NTNG1: variants seen among roughly 807,000 people sequenced by gnomAD.
The protein encoded by NTNG1 is netrin-G1.
A neutral mutation model predicts 54.0 loss-of-function variants in NTNG1; 16 were observed. The ratio of observed to expected loss-of-function variants is 0.30; its 90% CI spans 0.20 to 0.45. The LOEUF (loss-of-function observed/expected upper bound fraction) is 0.45, where lower values mean the gene tolerates loss of function less well. Ranked by LOEUF, NTNG1 falls within the 20% of genes least tolerant of loss-of-function variation. The pLI, the probability that NTNG1 is intolerant of heterozygous loss-of-function variation, is 1.00. For missense variants in NTNG1, 530 were observed against 678.7 expected (o/e 0.78, Z 2.43); for synonymous variants, 255 against 263.1 (o/e 0.97, Z 0.30).
intron 3 of NTNG1, among the ~76,000 whole-genome samples, chr1:107,335,383 A>G (rs1213880667): frequency 6.6e-6 from 1 of 152,022 alleles, no homozygotes; most frequent in East Asian, 1.9e-4. Context: ...TGATAGGTTC[A>G]AAGCTGGGGT....
chr1:107,390,939 T>C (rs1387148128), intron 3 of NTNG1, among the ~76,000 whole-genome samples: 1 of 152,176 alleles, frequency 6.6e-6, no homozygotes, highest in Non-Finnish European at 1.5e-5. Context: ...CCTTATGTCA[T>C]AGGAGCACAC....
At chr1:107,310,482 T>C (rs1666942350) in intron 2 of NTNG1, among the ~76,000 whole-genome samples, 2 of 152,128 alleles carry the variant, frequency 1.3e-5, no homozygotes, top group South Asian at 2.1e-4. Flanking sequence ...TGATGGTGGA[T>C]CTGATAGATC....
rs1479740473 is a variant in NTNG1 at position 107,178,355 on chromosome 1, A to G, written c.246+29516A>G. Among the ~76,000 whole-genome samples the G allele has an allele frequency of 3.3e-5, 5 of 152,092 alleles. No homozygotes were observed. The South Asian group carries it at 8.3e-4, about 25-fold the overall frequency. ...ATGCCATCTTTTACAAGTAACTCCTATCTTTCTTGTGAGTTTTCATTTGCC... is the reference window on the plus strand; with the variant it reads ...ATGCCATCTTTTACAAGTAACTCCTGTCTTTCTTGTGAGTTTTCATTTGCC... On this transcript the variant is annotated intron_variant, in intron 2 of 7. Transcript: ENST00000370068.
intron 7 of NTNG1, among the ~76,000 whole-genome samples, chr1:107,446,172 T>C (rs1358862873): frequency 6.6e-6 from 1 of 152,120 alleles, no homozygotes; most frequent in Non-Finnish European, 1.5e-5. Flanking sequence ...AACTGGTTCT[T>C]ATTTACAAGG....
intron 3 of NTNG1, among the ~76,000 whole-genome samples, chr1:107,330,386 A>G (rs1038096660): frequency 2.0e-5 from 3 of 152,146 alleles, no homozygotes; most frequent in Non-Finnish European, 2.9e-5. Flanking sequence ...GAAAGCTATA[A>G]CATTGCTTAA....
At chr1:107,367,207 G>A (rs896192209) in intron 3 of NTNG1, among the ~76,000 whole-genome samples, 2 of 152,040 alleles carry the variant, frequency 1.3e-5, no homozygotes, top group Non-Finnish European at 1.5e-5. Flanking sequence ...CTGGACTTAG[G>A]CTTGGCCATT....
At chr1:107,147,599 G>C (rs17018467) in intron 1 of NTNG1, among the ~76,000 whole-genome samples, 7,361 of 152,046 alleles carry the variant, frequency 0.048, 574 homozygotes, top group African/African-American at 0.17. Flanking sequence ...CTCCAGCAAA[G>C]AAAAGCTAAG....
intron 4 of NTNG1, among the ~76,000 whole-genome samples, chr1:107,400,039 G>C (rs1250230576): frequency 6.6e-6 from 1 of 151,942 alleles, no homozygotes. Context: ...TTAGATCTTA[G>C]TATTATTGAT....
chr1:107,479,579 A>T (rs975957449), intron 7 of NTNG1, among the ~76,000 whole-genome samples: 1 of 152,208 alleles, frequency 6.6e-6, no homozygotes, highest in Non-Finnish European at 1.5e-5. Flanking sequence ...TAAATGCTTA[A>T]GCAGCATATG....
intron 2 of NTNG1, among the ~76,000 whole-genome samples, chr1:107,162,125 T>C (rs982421897): frequency 5.9e-5 from 9 of 152,196 alleles, no homozygotes; most frequent in Admixed American, 1.3e-4. Context: ...ATTTTTAGTT[T>C]TTGCAATTAC....
At chr1:107,215,315 G>A (rs1659878986) in intron 2 of NTNG1, among the ~76,000 whole-genome samples, 1 of 152,110 alleles carries the variant, frequency 6.6e-6, no homozygotes, top group Admixed American at 6.6e-5. Context: ...TTTATATAAG[G>A]TGAGAGATGA....
chr1:107,192,172 T>C (rs1157937145), intron 2 of NTNG1, among the ~76,000 whole-genome samples: 1 of 152,154 alleles, frequency 6.6e-6, no homozygotes, highest in African/African-American at 2.4e-5. Flanking sequence ...TCCTAGGTAT[T>C]TTAATTCTCT....
At chr1:107,173,926 C>T (rs1467532051) in intron 2 of NTNG1, among the ~76,000 whole-genome samples, 1 of 151,920 alleles carries the variant, frequency 6.6e-6, no homozygotes, top group African/African-American at 2.4e-5. Flanking sequence ...AAGTGTTACA[C>T]TAGTCAACAC....
At chr1:107,436,884 G>A in intron 7 of NTNG1, 85 bp downstream of exon 7, 2 of 1,285,460 alleles carry the variant, frequency 1.6e-6, no homozygotes, top group Middle Eastern at 2.4e-4. Context: ...GCTTCTCAGA[G>A]CAGAAAAAGA....
intron 2 of NTNG1, chr1:107,260,903 T>G (rs989305699): frequency 6.6e-6 from 1 of 152,184 alleles, no homozygotes; most frequent in Non-Finnish European, 1.5e-5. Context: ...GCCAATATTT[T>G]ACACAGAGAA....
intron 2 of NTNG1, among the ~76,000 whole-genome samples, chr1:107,197,002 A>C (rs1658388544): frequency 6.6e-6 from 1 of 151,930 alleles, no homozygotes; most frequent in South Asian, 2.1e-4. Flanking sequence ...AAAATACAGG[A>C]CAACCAGTTA....
intron 7 of NTNG1, among the ~76,000 whole-genome samples, chr1:107,439,277 C>CATGTGTGTGTGTGTGT (rs142597412): frequency 6.9e-6 from 1 of 145,784 alleles, no homozygotes. Context: ...CCAGAACTTG[C>CATGTGTGTGTGTGTGT]GTGTGTGTGT....
chr1:107,361,391 A>ATTTT lies in NTNG1; in HGVS notation c.888-33751_888-33748dup, dbSNP rs1177736263. 7.5e-3 allele frequency among the ~76,000 whole-genome samples: 660 copies of ATTTT among 87,958 alleles called. 9 individuals are homozygous for ATTTT. Among genetic ancestry groups the ATTTT allele is most frequent in the South Asian group, 0.026 (64 of 2,478 alleles). The allele number at this position is 87,958 out of a possible 152,430, so 57.7% of individuals were successfully genotyped here. A position where few individuals can be genotyped will look rare whatever the true frequency, so the allele number is the denominator to read the frequency against. ...TATATATACATATATATATATATAT[A>ATTTT]TTTTTTTTTTTTTTTGAGACACAGT... On this transcript the variant is annotated intron_variant, in intron 3 of 7. Coordinates refer to ENST00000370068, the MANE Select transcript of NTNG1 (RefSeq NM_001113226.3).
chr1:107,288,548 G>A (rs917790603), intron 2 of NTNG1, among the ~76,000 whole-genome samples: 4 of 151,996 alleles, frequency 2.6e-5, no homozygotes, highest in African/African-American at 9.7e-5. Context: ...TCAAATAGAG[G>A]TGTTCTAAGA....
Sources: gnomAD v4.1 joint callset for allele counts (sites outside exome capture counted in the v4.1 genomes callset) on GRCh38, gnomAD v4.1.1 for gene constraint, MANE v1.5 for transcripts, NCBI Gene and HGNC (gene_info 2026-07-23, HGNC 2026-07-21) for gene names.